Variants in TBC1D5 observed in about 807,000 individuals in gnomAD.
The protein encoded by TBC1D5 is TBC1 domain family, member 5.
TBC1D5 carries 75 observed loss-of-function variants against 100.3 expected under a neutral mutation model. The ratio of observed to expected loss-of-function variants is 0.75; its 90% CI spans 0.62 to 0.91. The LOEUF (loss-of-function observed/expected upper bound fraction) is 0.91. TBC1D5 is among the 40% of genes least tolerant of loss of function. TBC1D5 has a pLI of 0.00. For synonymous variants in TBC1D5, 323 were observed against 325.6 expected, an observed-to-expected ratio of 0.99 and a Z score of 0.09; for missense variants, 910 against 942.4, an observed-to-expected ratio of 0.97 and a Z score of 0.45.
At chr3:17,259,179 G>A (rs1454235922) in intron 15 of TBC1D5, among the ~76,000 whole-genome samples, 2 of 152,096 alleles carry the variant, frequency 1.3e-5, no homozygotes, top group Non-Finnish European at 2.9e-5. Flanking sequence ...ATATTACCAG[G>A]ATAACCATTA....
intron 4 of TBC1D5, among the ~76,000 whole-genome samples, chr3:17,424,238 G>C (rs748588855): frequency 1.5e-4 from 23 of 152,160 alleles, no homozygotes; most frequent in Non-Finnish European, 3.4e-4. Flanking sequence ...CATGCAAGCA[G>C]CTGGTACTAC....
At chr3:17,579,166 G>GT (rs151069684) in intron 2 of TBC1D5, among the ~76,000 whole-genome samples, 1 of 151,746 alleles carries the variant, frequency 6.6e-6, no homozygotes, top group African/African-American at 2.4e-5. Flanking sequence ...AAATTAAAAA[G>GT]TTTTTTTTAA....
chr3:17,231,424 G>GT (rs1203984615), intron 17 of TBC1D5, among the ~76,000 whole-genome samples: 4 of 151,294 alleles, frequency 2.6e-5, no homozygotes, highest in East Asian at 1.9e-4. Context: ...TTATATTCAG[G>GT]TTTTTTCTTA....
chr3:17,674,719 T>C (rs1270470910), intron 1 of TBC1D5, among the ~76,000 whole-genome samples: 1 of 152,120 alleles, frequency 6.6e-6, no homozygotes, highest in African/African-American at 2.4e-5. Context: ...TCATAAACTT[T>C]GTTTGTGTAT....
chr3:17,485,931 G>C (rs1305390177), intron 3 of TBC1D5, among the ~76,000 whole-genome samples: 2 of 152,014 alleles, frequency 1.3e-5, no homozygotes, highest in Non-Finnish European at 2.9e-5. Flanking sequence ...ACTTCCACAA[G>C]GGTTGAACTA....
chr3:17,439,193 G>T (rs1303684118), intron 3 of TBC1D5, among the ~76,000 whole-genome samples: 1 of 152,110 alleles, frequency 6.6e-6, no homozygotes, highest in Admixed American at 6.5e-5. Flanking sequence ...TTCATAAAAT[G>T]TAAAGGCATC....
intron 19 of TBC1D5, among the ~76,000 whole-genome samples, chr3:17,182,202 C>T (rs577357804): frequency 2.0e-5 from 3 of 152,158 alleles, no homozygotes; most frequent in East Asian, 1.9e-4. Context: ...ATCTGTGGGC[C>T]GTGGAGCCAG....
chr3:17,675,036 T>G (rs1351770437), intron 1 of TBC1D5, among the ~76,000 whole-genome samples: 1 of 152,056 alleles, frequency 6.6e-6, no homozygotes, highest in Non-Finnish European at 1.5e-5. Flanking sequence ...GTGTAAAAAC[T>G]CTAATTTTTA....
intron 8 of TBC1D5, among the ~76,000 whole-genome samples, chr3:17,402,772 G>A (rs2093678914): frequency 6.6e-6 from 1 of 152,110 alleles, no homozygotes; most frequent in Non-Finnish European, 1.5e-5. Context: ...GAAGAGAAGT[G>A]AGGATAAGAA....
intron 2 of TBC1D5, among the ~76,000 whole-genome samples, chr3:17,525,754 T>TA (rs1187532704): frequency 7.3e-6 from 1 of 137,454 alleles, no homozygotes; most frequent in Non-Finnish European, 1.5e-5. Flanking sequence ...AAAAAGCGTC[T>TA]AGTGTTTTCC....
chr3:17,394,483 C>T (rs2093443487), intron 8 of TBC1D5, among the ~76,000 whole-genome samples: 1 of 152,022 alleles, frequency 6.6e-6, no homozygotes, highest in Admixed American at 6.6e-5. Flanking sequence ...AAGGATTTTA[C>T]TAGATGACTA....
At chr3:17,490,633 G>T (rs1418620636) in intron 3 of TBC1D5, among the ~76,000 whole-genome samples, 1 of 152,022 alleles carries the variant, frequency 6.6e-6, no homozygotes, top group East Asian at 1.9e-4. Context: ...TAGTTGTGCA[G>T]TCTTATATCT....
chr3:17,703,073 G>C (rs1010535409), intron 1 of TBC1D5, among the ~76,000 whole-genome samples: 1 of 151,990 alleles, frequency 6.6e-6, no homozygotes, highest in Non-Finnish European at 1.5e-5. Flanking sequence ...TTAAAAAAAA[G>C]AAAATGCCTT....
chr3:17,184,987 T>G, intron 19 of TBC1D5, 122 bp downstream of exon 20: 1 of 703,754 alleles, frequency 1.4e-6, no homozygotes, highest in South Asian at 2.7e-5. Context: ...TATATAGCTG[T>G]TGTAAGGATT....
At chr3:17,332,605 A>G (rs569953677) in intron 13 of TBC1D5, among the ~76,000 whole-genome samples, 18 of 152,206 alleles carry the variant, frequency 1.2e-4, no homozygotes, top group Admixed American at 5.2e-4. Flanking sequence ...GCCAACATTT[A>G]GGAGCCAGGA....
At chr3:17,348,238 G>A (rs1445588971) in intron 13 of TBC1D5, among the ~76,000 whole-genome samples, 5 of 152,116 alleles carry the variant, frequency 3.3e-5, no homozygotes, top group Admixed American at 6.5e-5. Context: ...ACAGCCCCAT[G>A]GAATTCTTCA....
chr3:17,667,121 G>T (rs2067350537), intron 1 of TBC1D5, among the ~76,000 whole-genome samples: 1 of 152,152 alleles, frequency 6.6e-6, no homozygotes, highest in African/African-American at 2.4e-5. Flanking sequence ...TGGATGAAAA[G>T]CTTTGTAAAT....
At chr3:17,428,411 G>GTATA (rs71634804) in intron 4 of TBC1D5, 39 bp downstream of exon 4, 95 of 216,606 alleles carry the variant, frequency 4.4e-4, no homozygotes, top group African/African-American at 1.1e-3. Context: ...GTGTGTGTGT[G>GTATA]TATATATATA....
intron 1 of TBC1D5, among the ~76,000 whole-genome samples, chr3:17,653,916 T>TA (rs2065815321): frequency 6.6e-6 from 1 of 152,120 alleles, no homozygotes. Flanking sequence ...AATGCTGACA[T>TA]AAATTAAGTG....
Sources: allele counts gnomAD v4.1 joint callset (sites outside exome capture counted in the v4.1 genomes callset), GRCh38; gene constraint gnomAD v4.1.1; transcripts MANE v1.5; gene names NCBI Gene and HGNC (gene_info 2026-07-23, HGNC 2026-07-21).